CADPS: variants seen among roughly 807,000 people sequenced by gnomAD.
CADPS encodes calcium dependent secretion activator, also known as calcium-dependent secretion activator 1.
Under a neutral mutation model 167.3 loss-of-function variants are expected in CADPS, and 57 were observed. The observed-to-expected ratio is 0.34, with a 90% CI of 0.28 to 0.42. The LOEUF (loss-of-function observed/expected upper bound fraction) is 0.42. CADPS is among the 20% of genes least tolerant of loss of function. The probability of loss-of-function intolerance (pLI) is 1.00; values close to 1 mark genes in which losing one functional copy is unlikely to be tolerated. For missense variants in CADPS, 1,414 were observed against 1,738.1 expected, an observed-to-expected ratio of 0.81 and a Z score of 3.32; for synonymous variants, 676 against 635.3, an observed-to-expected ratio of 1.06 and a Z score of -0.96.
intron 4 of CADPS, among the ~76,000 whole-genome samples, chr3:62,657,717 G>A (rs920827371): frequency 3.3e-5 from 5 of 152,150 alleles, no homozygotes; most frequent in African/African-American, 1.2e-4. Context: ...GTCTCTGTCT[G>A]ATGATTCGTG....
At chr3:62,494,256 T>TG (rs2064242439) in intron 18 of CADPS, among the ~76,000 whole-genome samples, 1 of 152,192 alleles carries the variant, frequency 6.6e-6, no homozygotes, top group South Asian at 2.1e-4. Flanking sequence ...CTTACTCCAC[T>TG]GACTACCTAG....
At chr3:62,608,809 AAAT>A (rs2061068134) in intron 6 of CADPS, among the ~76,000 whole-genome samples, 1 of 152,122 alleles carries the variant, frequency 6.6e-6, no homozygotes, top group Non-Finnish European at 1.5e-5. Context: ...TTTTCCTCTG[AAAT>A]AATAAATTTG....
rs920892751 is a variant in CADPS, at chr3:62,474,269, A to G, written c.3381T>C (p.Asp1127=). The stretch of plus-strand genomic sequence containing the variant: ...TGCATATTGACTGTGGGACTCGAAA[A>G]TCTGTTGATCGACTGGTTTTTTGCA... ...VKLQKTSRST[D]FRVPQSICTM... The change falls in exon 24 of 30, where the codon GAT becomes GAC. Residue 1127 remains aspartate, a synonymous_variant. Transcript: ENST00000383710. 1.2e-6 allele frequency: 2 copies of G among 1,609,760 alleles called. No homozygotes were observed. Among genetic ancestry groups the G allele is most frequent in the Non-Finnish European group, 8.5e-7 (1 of 1,179,154 alleles).
At chr3:62,556,075 T>C (rs1370438272) in intron 10 of CADPS, among the ~76,000 whole-genome samples, 1 of 152,296 alleles carries the variant, frequency 6.6e-6, no homozygotes, top group East Asian at 1.9e-4. Context: ...TAAGGAGGAC[T>C]GAATCTATTT....
chr3:62,661,041 T>C (rs547592960), intron 4 of CADPS, among the ~76,000 whole-genome samples: 1 of 152,292 alleles, frequency 6.6e-6, no homozygotes, highest in African/African-American at 2.4e-5. Context: ...ACTGAGTTGG[T>C]ACATGTGAAG....
At chr3:62,588,297 C>CTTTT (rs34533495) in intron 7 of CADPS, among the ~76,000 whole-genome samples, 4 of 139,842 alleles carry the variant, frequency 2.9e-5, no homozygotes, top group Non-Finnish European at 6.1e-5. Context: ...CCAGGTCTTT[C>CTTTT]TTTTTTTTTT....
chr3:62,552,860 C>G (rs115432513), intron 10 of CADPS, among the ~76,000 whole-genome samples: 6 of 152,188 alleles, frequency 3.9e-5, no homozygotes, highest in African/African-American at 1.2e-4. Context: ...GACTATTTTG[C>G]TTAATTTCAT....
intron 1 of CADPS, among the ~76,000 whole-genome samples, chr3:62,789,397 A>C (rs1259322783): frequency 5.3e-5 from 8 of 152,356 alleles, no homozygotes; most frequent in East Asian, 1.9e-4. Context: ...TAGTCACCCC[A>C]AAAGGGGAGT....
chr3:62,614,756 G>A (rs2062005415), intron 6 of CADPS, among the ~76,000 whole-genome samples: 1 of 152,172 alleles, frequency 6.6e-6, no homozygotes, highest in African/African-American at 2.4e-5. Context: ...TCTGGAATCA[G>A]ACACACCTGG....
At chr3:62,794,091 C>T (rs1487982296) in intron 1 of CADPS, among the ~76,000 whole-genome samples, 4 of 152,178 alleles carry the variant, frequency 2.6e-5, no homozygotes, top group Non-Finnish European at 5.9e-5. Context: ...CCAGCGATAA[C>T]TCTAATTTAA....
At chr3:62,497,008 G>C (rs956992313) in intron 18 of CADPS, among the ~76,000 whole-genome samples, 3 of 152,104 alleles carry the variant, frequency 2.0e-5, no homozygotes, top group Non-Finnish European at 2.9e-5. Flanking sequence ...GTTGGTAATG[G>C]GAATTGAGTT....
chr3:62,439,831 C>T (rs2055939287), intron 27 of CADPS: 1 of 152,120 alleles, frequency 6.6e-6, no homozygotes, highest in African/African-American at 2.4e-5. Flanking sequence ...TTAGAAGAAA[C>T]AGTAATCTAC....
chr3:62,498,279 C>A, intron 18 of CADPS: 1 of 415,372 alleles, frequency 2.4e-6, no homozygotes, highest in South Asian at 1.8e-5. Flanking sequence ...ACTATACTGG[C>A]AATTTCCATT....
intron 13 of CADPS, among the ~76,000 whole-genome samples, chr3:62,523,727 G>A (rs975623675): frequency 6.6e-6 from 1 of 152,128 alleles, no homozygotes; most frequent in African/African-American, 2.4e-5. Context: ...CCACTGCTCC[G>A]CATATAACCA....
chr3:62,643,465 T>C (rs2067865126), intron 6 of CADPS, among the ~76,000 whole-genome samples: 1 of 152,186 alleles, frequency 6.6e-6, no homozygotes, highest in African/African-American at 2.4e-5. Context: ...ATGTGAGCTG[T>C]TTCTGTACAT....
At chr3:62,425,331 C>T (rs183862878) in intron 28 of CADPS, among the ~76,000 whole-genome samples, 2 of 152,236 alleles carry the variant, frequency 1.3e-5, no homozygotes, top group Admixed American at 6.5e-5. Context: ...TAGCACCCTC[C>T]CGCCACCAAT....
intron 21 of CADPS, among the ~76,000 whole-genome samples, chr3:62,488,525 T>A (rs975807301): frequency 1.3e-5 from 2 of 152,056 alleles, no homozygotes; most frequent in African/African-American, 4.8e-5. Context: ...AGGGACTCAC[T>A]CTGTCACCCC....
At chr3:62,781,185 T>C (rs1403314981) in intron 1 of CADPS, among the ~76,000 whole-genome samples, 1 of 152,104 alleles carries the variant, frequency 6.6e-6, no homozygotes, top group African/African-American at 2.4e-5. Flanking sequence ...ACCAGGAGAC[T>C]TGTCCTAGGG....
chr3:62,814,840 T>C (rs1334106096), intron 1 of CADPS, among the ~76,000 whole-genome samples: 1 of 152,282 alleles, frequency 6.6e-6, no homozygotes, highest in African/African-American at 2.4e-5. Context: ...TTTTCCTCTT[T>C]CAGCTGTTTT....
Sources: gnomAD v4.1 joint callset for allele counts (sites outside exome capture counted in the v4.1 genomes callset) on GRCh38, gnomAD v4.1.1 for gene constraint, MANE v1.5 for transcripts, NCBI Gene and HGNC (gene_info 2026-07-23, HGNC 2026-07-21) for gene names.